Variants in CLMN observed in about 807,000 individuals in gnomAD.
The protein encoded by CLMN is calmin (calponin-like, transmembrane).
Under a neutral mutation model 92.7 loss-of-function variants are expected in CLMN, and 57 were observed. That is an observed-to-expected ratio of 0.61 (90% CI 0.50 to 0.77). The LOEUF is 0.77. Among genes scored for constraint, CLMN ranks in the 30% least tolerant of loss-of-function variants. CLMN has a pLI of 0.00. For synonymous variants in CLMN, 466 were observed against 470.6 expected (o/e 0.99, Z 0.13); for missense variants, 1,158 against 1,237.5 (o/e 0.94, Z 0.96).
chr14:95,318,438 G>C (rs79576355), intron 1 of CLMN, among the ~76,000 whole-genome samples: 7,640 of 152,244 alleles, frequency 0.05, 802 homozygotes, highest in East Asian at 0.45. Context: ...GTCCTTTTGA[G>C]GTCACCTCTG....
rs1415749908 is a variant in CLMN at position 95,259,390 on chromosome 14, G to A, written c.83-29257C>T. On this transcript the variant is annotated intron_variant, in intron 1 of 12. Transcript: ENST00000298912. This position sits in a 1 kb window ranked among gnomAD's most constrained non-coding sequence, Gnocchi z 4.3. ...CAGGCCTGACCTTGGGCACCAGAAC[G>A]GAGAAGGAAATGTGCGTGGACAAAC... Among the ~76,000 whole-genome samples the A allele has an allele frequency of 2.6e-5, 4 of 152,070 alleles. No individual in the cohort carries two copies. The highest frequency in any genetic ancestry group is 3.9e-4 in the East Asian group (2 of 5,192).
intron 3 of CLMN, chr14:95,222,469 G>C (rs1355039840): frequency 6.9e-6 from 3 of 432,872 alleles, no homozygotes; most frequent in African/African-American, 6.1e-5. Context: ...CAAACCAGTG[G>C]GTCAGCTCCA....
chr14:95,223,555 T>G (rs1897613855), intron 3 of CLMN, among the ~76,000 whole-genome samples: 1 of 152,198 alleles, frequency 6.6e-6, no homozygotes, highest in Non-Finnish European at 1.5e-5. Context: ...CATTTATTCA[T>G]TTATTTTCTA....
chr14:95,279,427 A>G (rs1900059068), intron 1 of CLMN, among the ~76,000 whole-genome samples: 1 of 152,180 alleles, frequency 6.6e-6, no homozygotes, highest in Non-Finnish European at 1.5e-5. Flanking sequence ...GCTATGCTGG[A>G]AAGAGTTAAA....
At chr14:95,305,552 G>C (rs1901242287) in intron 1 of CLMN, among the ~76,000 whole-genome samples, 1 of 152,208 alleles carries the variant, frequency 6.6e-6, no homozygotes, top group African/African-American at 2.4e-5. Context: ...GAAAAGGTAA[G>C]AGAATTGGAG....
intron 1 of CLMN, among the ~76,000 whole-genome samples, chr14:95,303,494 G>A (rs1041903138): frequency 2.0e-5 from 3 of 152,206 alleles, no homozygotes; most frequent in Non-Finnish European, 2.9e-5. Context: ...ATTAGAGAAC[G>A]TCCTCTGCCT....
In CLMN at chr14:95,203,172, A is replaced by G. The variant is rs993458899; in HGVS notation, c.2177T>C (p.Leu726Pro). Residue 726 changes from leucine (L) to proline (P), a missense_variant, in exon 9 of 13, where the codon CTC becomes CCC. Coordinates refer to ENST00000298912, the MANE Select transcript of CLMN (RefSeq NM_024734.4). ...LSKVSVIPHD[L>P]FYFPHYEVPL... The stretch of plus-strand genomic sequence containing the variant: ...AACCTCATAGTGTGGGAAATAGAAG[A>G]GGTCGTGGGGAATGACGGAAACCTT... 7 of 1,612,628 alleles carry G rather than the reference A, an allele frequency of 4.3e-6. No individual in the cohort carries two copies. Among genetic ancestry groups the G allele is most frequent in the African/African-American group, 1.3e-5 (1 of 74,864 alleles).
At chr14:95,215,608 T>C (rs748780457) in intron 5 of CLMN, 33 bp downstream of exon 5, 1 of 1,564,982 alleles carries the variant, frequency 6.4e-7, no homozygotes, top group Non-Finnish European at 8.8e-7. Flanking sequence ...CACAAGATCA[T>C]GATTGTGTGT....
At chr14:95,215,335 G>C (rs1359212462) in intron 5 of CLMN, among the ~76,000 whole-genome samples, 1 of 152,166 alleles carries the variant, frequency 6.6e-6, no homozygotes, top group East Asian at 1.9e-4. Flanking sequence ...TCCAGTTTTG[G>C]TCAGGAGTAT....
intron 1 of CLMN, among the ~76,000 whole-genome samples, chr14:95,248,090 T>G (rs1297812989): frequency 6.6e-6 from 1 of 151,300 alleles, no homozygotes. Flanking sequence ...AACTAATTTC[T>G]TCAATAAGCA....
In CLMN at chr14:95,210,743, T is replaced by C. The variant is rs761317870; in HGVS notation, c.745A>G (p.Lys249Glu). The C allele has an allele frequency of 3.7e-6, 6 of 1,609,766 alleles. No homozygotes were observed. The highest frequency in any genetic ancestry group is 1.7e-5 in the Admixed American group (1 of 59,390). ...GCATCCTGTGCGATGCTGAAAGCCT[T>C]CTCTAGATTTTCTCGTGTGGAATTT... ...LENSTRENLE[K>E]AFSIAQDALH... The change falls in exon 7 of 13, where the codon AAG becomes GAG. Residue 249 changes from lysine (K) to glutamate (E), a missense_variant. Coordinates refer to ENST00000298912, the MANE Select transcript of CLMN (RefSeq NM_024734.4).
chr14:95,196,536 G>T lies in CLMN; in HGVS notation c.2670C>A (p.Asp890Glu). ...TGTAGTCGCTACTGTCTTCTTCTAG[G>T]TCATCTGAGGATTGAACACTTCCTG... ...VAPGSVQSSD[D>E]LEEDSSDYSI... Residue 890 changes from aspartate (D) to glutamate (E), a missense_variant, in exon 10 of 13, where the codon GAC becomes GAA. By Grantham distance (45) the Asp-to-Glu change is conservative. Coordinates refer to ENST00000298912, the MANE Select transcript of CLMN (RefSeq NM_024734.4). 1 of 1,613,898 alleles carries T rather than the reference G, an allele frequency of 6.2e-7. No homozygotes were observed. The highest frequency in any genetic ancestry group is 8.5e-7 in the Non-Finnish European group (1 of 1,179,980).
chr14:95,311,747 A>G (rs1901550956), intron 1 of CLMN, among the ~76,000 whole-genome samples: 1 of 151,808 alleles, frequency 6.6e-6, no homozygotes, highest in Non-Finnish European at 1.5e-5. Context: ...CCCTGACCCC[A>G]TGGCCCCCCA....
At chr14:95,232,201 G>T (rs528036874) in intron 1 of CLMN, among the ~76,000 whole-genome samples, 1 of 152,354 alleles carries the variant, frequency 6.6e-6, no homozygotes, top group East Asian at 1.9e-4. Context: ...GTGAGGGTGC[G>T]TGGTGGCCTG....
chr14:95,274,077 T>C (rs531609660), intron 1 of CLMN, among the ~76,000 whole-genome samples: 24 of 152,314 alleles, frequency 1.6e-4, no homozygotes, highest in African/African-American at 5.5e-4. Context: ...GGCTTATCAA[T>C]AGGTTTCCCA....
rs910394364 is a variant in CLMN at position 95,258,303 on chromosome 14, A to ATG, written c.83-28172_83-28171dup. On this transcript the variant is annotated intron_variant, in intron 1 of 12. Transcript: ENST00000298912. The stretch of plus-strand genomic sequence containing the variant: ...CGTGTGTGTGGTGTGTGTGTGGTGT[A>ATG]TGTGTGTGTGTGGGGTGTGTGTATG... Among the ~76,000 whole-genome samples, 21 of 129,220 alleles carry ATG rather than the reference A, an allele frequency of 1.6e-4. No individual in the cohort carries two copies. In the East Asian group the frequency reaches 4.8e-3, roughly 30 times the overall value. 84.8% of individuals were successfully genotyped at this position (129,220 alleles called of 152,430 possible). A position where few individuals can be genotyped will look rare whatever the true frequency, so the allele number is the denominator to read the frequency against.
At chr14:95,253,860 C>T (rs534662428) in intron 1 of CLMN, among the ~76,000 whole-genome samples, 82 of 152,214 alleles carry the variant, frequency 5.4e-4, no homozygotes, top group Admixed American at 1.0e-3. Context: ...CTGATCCGCC[C>T]GCCTCGGCCT....
At chr14:95,299,472 T>C (rs2140776215) in intron 1 of CLMN, among the ~76,000 whole-genome samples, 1 of 152,266 alleles carries the variant, frequency 6.6e-6, no homozygotes, top group African/African-American at 2.4e-5. Flanking sequence ...GTGCCTATGC[T>C]GCACCAGGTG....
intron 10 of CLMN, among the ~76,000 whole-genome samples, chr14:95,195,130 CCT>C (rs1896668852): frequency 6.6e-6 from 1 of 152,224 alleles, no homozygotes; most frequent in Non-Finnish European, 1.5e-5. Flanking sequence ...CTGTGGCTGA[CCT>C]CTTTCTCCCT....
Sources: gnomAD v4.1 joint callset for allele counts (sites outside exome capture counted in the v4.1 genomes callset) on GRCh38, gnomAD v4.1.1 for gene constraint, Gnocchi (gnomAD v3.1) non-coding constraint, MANE v1.5 for transcripts, NCBI Gene and HGNC (gene_info 2026-07-23, HGNC 2026-07-21) for gene names.